CDH8: variants seen among roughly 807,000 people sequenced by gnomAD.
CDH8 encodes cadherin-8.
In CDH8, 17 loss-of-function variants were observed where a neutral mutation model predicts 68.1. The ratio of observed to expected loss-of-function variants is 0.25; its 90% CI spans 0.17 to 0.37. CDH8 has a LOEUF of 0.37. CDH8 is among the 10% of genes least tolerant of loss of function. The probability of loss-of-function intolerance (pLI) is 1.00; values close to 1 mark genes in which losing one functional copy is unlikely to be tolerated. For missense variants in CDH8, 763 were observed against 999.3 expected (o/e 0.76, Z 3.19); for synonymous variants, 372 against 365.1 (o/e 1.02, Z -0.21).
At chr16:61,858,047 T>G (rs1963079452) in intron 3 of CDH8, among the ~76,000 whole-genome samples, 1 of 151,762 alleles carries the variant, frequency 6.6e-6, no homozygotes, top group South Asian at 2.1e-4. Flanking sequence ...AGTATATTGT[T>G]GGCAGACATG....
At chr16:61,987,895 C>T (rs1056523311) in intron 2 of CDH8, among the ~76,000 whole-genome samples, 1 of 152,108 alleles carries the variant, frequency 6.6e-6, no homozygotes, top group African/African-American at 2.4e-5. Context: ...CTCTCAATAG[C>T]CTTATGAGGT....
At chr16:61,693,454 A>G (rs1964271148) in intron 10 of CDH8, 1 of 152,124 alleles carries the variant, frequency 6.6e-6, no homozygotes, top group Non-Finnish European at 1.5e-5. Context: ...CTGTATAAGA[A>G]AAGTTTGTGC....
At chr16:62,000,953 C>A (rs1372943035) in intron 2 of CDH8, among the ~76,000 whole-genome samples, 2 of 152,074 alleles carry the variant, frequency 1.3e-5, no homozygotes, top group African/African-American at 2.4e-5. Context: ...ACCATTATGT[C>A]CTATTCTAAG....
intron 2 of CDH8, among the ~76,000 whole-genome samples, chr16:62,013,411 ATAATGGGCAC>A (rs1345433174): frequency 2.0e-5 from 3 of 152,108 alleles, no homozygotes; most frequent in African/African-American, 7.2e-5. Flanking sequence ...GGTGAGCAGG[ATAATGGGCAC>A]TAATGGCTCA....
rs1172002877 is a variant in CDH8 at position 61,653,867 on chromosome 16, G to C, written c.2141C>G (p.Pro714Arg). 3.1e-6 allele frequency: 5 copies of C among 1,614,180 alleles called. No homozygotes were observed. The highest frequency in any genetic ancestry group is 1.6e-4 in the Middle Eastern group (1 of 6,062). Residue 714 changes from proline to arginine, a missense_variant, in exon 12 of 12, where the codon CCA (proline) becomes CGA (arginine). Pro to Arg is a moderately radical substitution (Grantham distance 103). Around this residue, in one of 2 missense-constraint regions of CDH8, gnomAD observed 397 missense variants for 436.2 expected, o/e 0.91. Transcript: ENST00000577390. The part of the protein sequence containing the change: ...LQFMPRQGLA[P>R]VPNGVDVDEF... ...ATCGACATCAACACCATTTGGAACT[G>C]GAGCAAGCCCTTGCCTTGGCATAAA...
At chr16:61,719,380 A>C (rs1959200878) in intron 9 of CDH8, among the ~76,000 whole-genome samples, 1 of 151,122 alleles carries the variant, frequency 6.6e-6, no homozygotes, top group Admixed American at 6.6e-5. Context: ...ACCTTTCTTG[A>C]AACTAAATTG....
chr16:61,652,714 T>C lies in CDH8; in HGVS notation c.*894A>G, dbSNP rs902129195. 3.1e-6 allele frequency: 4 copies of C among 1,284,930 alleles called. No homozygotes were observed. The highest frequency in any genetic ancestry group is 3.9e-6 in the Non-Finnish European group (4 of 1,014,812). 79.6% of individuals were successfully genotyped at this position (1,284,930 alleles called of 1,614,324 possible). A position where few individuals can be genotyped will look rare whatever the true frequency, so the allele number is the denominator to read the frequency against. ...CCCATATATCCCCTTAATCTATAGA[T>C]TACCGACCTTAATAAATAAAAGCAT... On this transcript the variant is annotated 3_prime_UTR_variant, in exon 12 of 12. Transcript: ENST00000577390.
chr16:62,004,937 T>C (rs1168239876), intron 2 of CDH8, among the ~76,000 whole-genome samples: 2 of 152,320 alleles, frequency 1.3e-5, no homozygotes, highest in Non-Finnish European at 2.9e-5. Flanking sequence ...TTGTGGAGTT[T>C]ACAGAGTAGC....
intron 7 of CDH8, among the ~76,000 whole-genome samples, chr16:61,808,924 G>T (rs147906851): frequency 2.3e-4 from 35 of 152,304 alleles, no homozygotes; most frequent in African/African-American, 8.4e-4. Context: ...AGTGGCTAAC[G>T]CCTGTAATCC....
At chr16:61,899,485 G>A (rs1963929399) in intron 3 of CDH8, among the ~76,000 whole-genome samples, 1 of 151,944 alleles carries the variant, frequency 6.6e-6, no homozygotes, top group African/African-American at 2.4e-5. Context: ...GGGAAGGAGA[G>A]AGAAAAGGAA....
chr16:61,953,895 T>TTATATATATAAATATATATATA (rs1964935792), intron 2 of CDH8, among the ~76,000 whole-genome samples: 1 of 118,878 alleles, frequency 8.4e-6, no homozygotes, highest in African/African-American at 3.8e-5. Context: ...AAAAAAAACT[T>TTATATATATAAATATATATATA]TATATATATA....
In CDH8 at chr16:61,831,240, A is replaced by G. The variant is rs762676385; in HGVS notation, c.668-6061T>C. Among the ~76,000 whole-genome samples, 4 of 151,930 alleles carry G rather than the reference A, an allele frequency of 2.6e-5. No homozygotes were observed. In the East Asian group the frequency reaches 7.8e-4, roughly 30 times the overall value. ...AACTAATGAGAACCCTCCATTCTCC[A>G]TGAAGTTCATTCAATGGAAATTTGA... On this transcript the variant is annotated intron_variant, in intron 4 of 11. Transcript: ENST00000577390.
At chr16:61,800,683 A>G (rs1317687001) in intron 7 of CDH8, among the ~76,000 whole-genome samples, 3 of 152,312 alleles carry the variant, frequency 2.0e-5, no homozygotes, top group Non-Finnish European at 4.4e-5. Context: ...CCCAGCAAGC[A>G]GACTTCATAC....
chr16:61,683,601 A>G (rs1005516318), intron 10 of CDH8, among the ~76,000 whole-genome samples: 2 of 152,006 alleles, frequency 1.3e-5, no homozygotes, highest in Non-Finnish European at 2.9e-5. Context: ...TAAAAGTATT[A>G]AAGGACATTT....
At chr16:61,781,429 A>T (rs1243739512) in intron 8 of CDH8, among the ~76,000 whole-genome samples, 1 of 150,482 alleles carries the variant, frequency 6.6e-6, no homozygotes, top group Non-Finnish European at 1.5e-5. Context: ...CCTGTTTCTA[A>T]AAAAAAAACC....
At chr16:62,029,167 T>A (rs1344304704) in intron 1 of CDH8, among the ~76,000 whole-genome samples, 3 of 152,184 alleles carry the variant, frequency 2.0e-5, no homozygotes, top group Non-Finnish European at 4.4e-5. Flanking sequence ...TTTGAAAGAT[T>A]AAGGAAGAAA....
intron 8 of CDH8, among the ~76,000 whole-genome samples, chr16:61,783,915 C>G (rs538503209): frequency 1.2e-4 from 19 of 152,242 alleles, no homozygotes; most frequent in Admixed American, 1.2e-3. Flanking sequence ...CAGGACTGCC[C>G]TATAAGAGCT....
intron 2 of CDH8, among the ~76,000 whole-genome samples, chr16:61,936,368 T>C (rs1197976018): frequency 6.6e-6 from 1 of 152,140 alleles, no homozygotes; most frequent in Non-Finnish European, 1.5e-5. Flanking sequence ...CCAACATTTA[T>C]TGAATATTTA....
intron 2 of CDH8, among the ~76,000 whole-genome samples, chr16:61,998,753 T>C (rs967301617): frequency 2.6e-5 from 4 of 152,196 alleles, no homozygotes; most frequent in African/African-American, 7.2e-5. Flanking sequence ...CTAGAAAAGA[T>C]ATTCAAGTCT....
Sources: gnomAD v4.1 joint callset for allele counts (sites outside exome capture counted in the v4.1 genomes callset) on GRCh38, gnomAD v4.1.1 for gene constraint, gnomAD v4.1.1 regional missense constraint, MANE v1.5 for transcripts, NCBI Gene and HGNC (gene_info 2026-07-23, HGNC 2026-07-21) for gene names.